The following KCNK6 variants were observed in gnomAD, a reference collection of about 807,000 sequenced individuals.
KCNK6 encodes the protein potassium channel subfamily K member 6.
A neutral mutation model predicts 21.9 loss-of-function variants in KCNK6; 20 were observed. The observed-to-expected ratio is 0.91, with a 90% CI of 0.64 to 1.32. The LOEUF (loss-of-function observed/expected upper bound fraction) is 1.32, where lower values mean the gene tolerates loss of function less well. Ranked by LOEUF, KCNK6 falls within the 40% of genes most tolerant of loss-of-function variation. The pLI, the probability that KCNK6 is intolerant of heterozygous loss-of-function variation, is 0.00. For synonymous variants in KCNK6, 210 were observed against 218.0 expected (o/e 0.96, Z 0.32); for missense variants, 415 against 433.1 (o/e 0.96, Z 0.37).
In KCNK6 at chr19:38,327,525, A is replaced by G; in HGVS notation, c.*122A>G. On this transcript the variant is annotated 3_prime_UTR_variant, in exon 3 of 3. Transcript: ENST00000263372. Reference sequence around the variant, plus strand: ...AGGTGATCTTGAGGCCTTGCCGTCCACCGTCTCTCCTTTGTTTCCCAGCAT... The same window carrying G: ...AGGTGATCTTGAGGCCTTGCCGTCCGCCGTCTCTCCTTTGTTTCCCAGCAT... The G allele has an allele frequency of 1.2e-6, 1 of 857,974 alleles. No individual in the cohort carries two copies. Among genetic ancestry groups the G allele is most frequent in the Non-Finnish European group, 1.8e-6 (1 of 558,418 alleles). The allele number at this position is 857,974 out of a possible 1,614,324, so 53.1% of individuals were successfully genotyped here.
At position 38,329,049 on chromosome 19, in the gene KCNK6, T is replaced by G. The variant is rs990737727; in HGVS notation, c.*1646T>G. ...AGAAAGTAAGTCCTGGCTAACACGG[T>G]GAAACCCTGTCTCTACTAAAAATAC... On this transcript the variant is annotated 3_prime_UTR_variant, in exon 3 of 3. Transcript: ENST00000263372. 3 of 149,802 alleles carry G rather than the reference T, an allele frequency of 2.0e-5. No individual in the cohort carries two copies. The highest frequency in any genetic ancestry group is 7.3e-5 in the African/African-American group (3 of 40,882). The allele number at this position is 149,802 out of a possible 1,614,324, so 9.3% of individuals were successfully genotyped here.
Position 38,327,320 on chromosome 19 carries a change from G to T in KCNK6, c.859G>T (p.Val287Leu), listed in dbSNP as rs778517642. ...TTTCAATGCGGATGAGGACGATCGG[G>T]TGGACATCCTGGGCCCCCAGCCGGA... Reference protein sequence around the residue: ...ASFNADEDDRVDILGPQPESH... With the variant: ...ASFNADEDDRLDILGPQPESH... Residue 287 changes from valine to leucine, a missense_variant, in exon 3 of 3, where the codon GTG becomes TTG. Coordinates refer to ENST00000263372, the MANE Select transcript of KCNK6 (RefSeq NM_004823.3). The T allele has an allele frequency of 1.2e-6, 2 of 1,613,326 alleles. No individual in the cohort carries two copies. The highest frequency in any genetic ancestry group is 1.1e-5 in the South Asian group (1 of 91,082).
rs973771478 is a variant in KCNK6 at position 38,327,741 on chromosome 19, G to A, written c.*338G>A. ...TCTCATTCTCTTTCATGTTCCGTCT[G>A]TGTCTCTCAATTAACCACTCGTCAA... is the stretch of plus-strand genomic sequence containing the variant. On this transcript the variant is annotated 3_prime_UTR_variant, in exon 3 of 3. Coordinates refer to ENST00000263372, the MANE Select transcript of KCNK6 (RefSeq NM_004823.3). The A allele has an allele frequency of 2.0e-5, 7 of 342,466 alleles. No homozygotes were observed. Among genetic ancestry groups the A allele is most frequent in the Non-Finnish European group, 3.9e-5 (7 of 181,086 alleles). 21.2% of individuals were successfully genotyped at this position (342,466 alleles called of 1,614,324 possible).
chr19:38,327,522 T>G lies in KCNK6; in HGVS notation c.*119T>G. ...AGCAGGTGATCTTGAGGCCTTGCCG[T>G]CCACCGTCTCTCCTTTGTTTCCCAG... On this transcript the variant is annotated 3_prime_UTR_variant, in exon 3 of 3. Coordinates refer to ENST00000263372, the MANE Select transcript of KCNK6 (RefSeq NM_004823.3). 1.2e-6 allele frequency: 1 copy of G among 866,568 alleles called. No individual in the cohort carries two copies. Among genetic ancestry groups the G allele is most frequent in the South Asian group, 1.7e-5 (1 of 59,818 alleles). The allele number at this position is 866,568 out of a possible 1,614,324, so 53.7% of individuals were successfully genotyped here. A position where few individuals can be genotyped will look rare whatever the true frequency, so the allele number is the denominator to read the frequency against.
chr19:38,326,091 C>T (rs887656399), intron 1 of KCNK6, among the ~76,000 whole-genome samples: 3 of 152,116 alleles, frequency 2.0e-5, no homozygotes, highest in South Asian at 2.1e-4. Context: ...GCATGAGTGA[C>T]GAGGGCGTCA....
chr19:38,324,085 C>G (rs7253960), intron 1 of KCNK6, among the ~76,000 whole-genome samples: 2 of 151,814 alleles, frequency 1.3e-5, no homozygotes, highest in Non-Finnish European at 2.9e-5. Flanking sequence ...TTATAAAGAT[C>G]TCTTTTATTA....
rs770275342 is a variant in KCNK6 at position 38,326,650 on chromosome 19, C to T, written c.380C>T (p.Ala127Val). ...DAGKAFSIAF[A>V]LLGVPTTMLL... ...GGCAAGGCCTTCTCCATCGCCTTTG[C>T]GCTCCTGGGCGTGCCGACCACCATG... The change falls in exon 2 of 3, where the codon GCG becomes GTG. Residue 127 changes from alanine (A) to valine (V), a missense_variant. By Grantham distance (64) the Ala-to-Val change is moderately conservative (BLOSUM62 0). Transcript: ENST00000263372. 7 of 1,609,642 alleles carry T rather than the reference C, an allele frequency of 4.3e-6. No individual in the cohort carries two copies. Among genetic ancestry groups the T allele is most frequent in the East Asian group, 4.5e-5 (2 of 44,888 alleles).
chr19:38,320,892 G>C (rs1474644377), intron 1 of KCNK6, among the ~76,000 whole-genome samples: 1 of 152,116 alleles, frequency 6.6e-6, no homozygotes, highest in Non-Finnish European at 1.5e-5. Flanking sequence ...TTGGTGACCC[G>C]GGTCTGTCCA....
Position 38,331,896 on chromosome 19 carries a change from A to G in KCNK6, c.*4493A>G, listed in dbSNP as rs1334512575. On this transcript the variant is annotated 3_prime_UTR_variant, in exon 3 of 3. Transcript: ENST00000263372. ...TATAAATCTGAACTCTGTCACTCCC[A>G]AGCTAAGTGGCTTTGGGCAAGTGAT... The G allele has an allele frequency of 6.6e-6, 1 of 152,180 alleles. No individual in the cohort carries two copies. The highest frequency in any genetic ancestry group is 2.4e-5 in the African/African-American group (1 of 41,440). 9.4% of individuals were successfully genotyped at this position (152,180 alleles called of 1,614,324 possible).
intron 1 of KCNK6, among the ~76,000 whole-genome samples, chr19:38,323,524 T>C (rs1435486415): frequency 6.6e-6 from 1 of 152,242 alleles, no homozygotes; most frequent in East Asian, 1.9e-4. Flanking sequence ...ATTACAATCC[T>C]TGTAACTCTT....
chr19:38,326,098 G>A (rs1257341553), intron 1 of KCNK6, among the ~76,000 whole-genome samples: 1 of 152,216 alleles, frequency 6.6e-6, no homozygotes, highest in Non-Finnish European at 1.5e-5. Context: ...TGACGAGGGC[G>A]TCAGGGATGA....
At chr19:38,321,201 CAG>C (rs1969648032) in intron 1 of KCNK6, among the ~76,000 whole-genome samples, 1 of 152,306 alleles carries the variant, frequency 6.6e-6, no homozygotes, top group African/African-American at 2.4e-5. Context: ...TCCCTCCCAA[CAG>C]AGATTCCTCA....
Position 38,320,038 on chromosome 19 carries a change from G to C in KCNK6, c.88G>C (p.Gly30Arg), listed in dbSNP as rs1008139893. Residue 30 changes from glycine (G) to arginine (R), a missense_variant, in exon 1 of 3, where the codon GGG becomes CGG. Coordinates refer to ENST00000263372, the MANE Select transcript of KCNK6 (RefSeq NM_004823.3). Reference sequence around the variant, plus strand: ...CGCGCTGTTGGTGGCGCGGCTGGAGGGGCCGCACGAAGCCAGGCTCCGAGC... The same window carrying C: ...CGCGCTGTTGGTGGCGCGGCTGGAGCGGCCGCACGAAGCCAGGCTCCGAGC... ...LGALLVARLEGPHEARLRAEL... is the reference protein window; with the variant it reads ...LGALLVARLERPHEARLRAEL... 6.7e-7 allele frequency: 1 copy of C among 1,500,798 alleles called. No homozygotes were observed. Among genetic ancestry groups the C allele is most frequent in the Non-Finnish European group, 8.8e-7 (1 of 1,133,648 alleles). The allele number at this position is 1,500,798 out of a possible 1,614,324, so 93.0% of individuals were successfully genotyped here.
chr19:38,324,377 A>G (rs1417096553), intron 1 of KCNK6, among the ~76,000 whole-genome samples: 1 of 152,234 alleles, frequency 6.6e-6, no homozygotes, highest in African/African-American at 2.4e-5. Flanking sequence ...TCTTGTTCAC[A>G]TTCCAGGTAG....
rs931148196 is a variant in KCNK6, at chr19:38,328,965, A to C, written c.*1562A>C. The C allele has an allele frequency of 6.6e-6, 1 of 151,680 alleles. No homozygotes were observed. Among genetic ancestry groups the C allele is most frequent in the African/African-American group, 2.4e-5 (1 of 41,366 alleles). The allele number at this position is 151,680 out of a possible 1,614,324, so 9.4% of individuals were successfully genotyped here. The stretch of plus-strand genomic sequence containing the variant: ...GAGAGAGAGAGAAAGAAAAAGAAAG[A>C]AAAGTAAGAAAGAAAAAAGAAAAAG... On this transcript the variant is annotated 3_prime_UTR_variant, in exon 3 of 3. Transcript: ENST00000263372.
At position 38,327,555 on chromosome 19, in the gene KCNK6, C is replaced by G; in HGVS notation, c.*152C>G. 1 of 727,420 alleles carries G rather than the reference C, an allele frequency of 1.4e-6. No homozygotes were observed. The highest frequency in any genetic ancestry group is 2.7e-5 in the East Asian group (1 of 36,968). 45.1% of individuals were successfully genotyped at this position (727,420 alleles called of 1,614,324 possible). A position where few individuals can be genotyped will look rare whatever the true frequency, so the allele number is the denominator to read the frequency against. Reference sequence around the variant, plus strand: ...CTCTCCTTTGTTTCCCAGCATCTGGCTGGGATGTGAAGGGCAGCACTCCCT... The same window carrying G: ...CTCTCCTTTGTTTCCCAGCATCTGGGTGGGATGTGAAGGGCAGCACTCCCT... On this transcript the variant is annotated 3_prime_UTR_variant, in exon 3 of 3. Coordinates refer to ENST00000263372, the MANE Select transcript of KCNK6 (RefSeq NM_004823.3).
At chr19:38,324,961 C>A (rs541278814) in intron 1 of KCNK6, 1 of 151,634 alleles carries the variant, frequency 6.6e-6, no homozygotes, top group Non-Finnish European at 1.5e-5. Context: ...CCATCTTAGT[C>A]ATTTTTAAGG....
At position 38,320,151 on chromosome 19, in the gene KCNK6, G is replaced by A. The variant is rs1969632331; in HGVS notation, c.201G>A (p.Leu67=). The A allele has an allele frequency of 6.3e-7, 1 of 1,595,554 alleles. No homozygotes were observed. The highest frequency in any genetic ancestry group is 8.5e-7 in the Non-Finnish European group (1 of 1,177,630). The change falls in exon 1 of 3, where the codon CTG becomes CTA. Residue 67 remains leucine (L), a synonymous_variant. Coordinates refer to ENST00000263372, the MANE Select transcript of KCNK6 (RefSeq NM_004823.3). Reference sequence around the variant, plus strand: ...TGGACGCCTTCGTGGAGCGAGTGCTGGCGGCCGGACGGCTGGGGCGGGTCG... The same window carrying A: ...TGGACGCCTTCGTGGAGCGAGTGCTAGCGGCCGGACGGCTGGGGCGGGTCG... ...PALDAFVERV[L]AAGRLGRVVL...
At chr19:38,321,397 A>C (rs1349090348) in intron 1 of KCNK6, among the ~76,000 whole-genome samples, 1 of 152,168 alleles carries the variant, frequency 6.6e-6, no homozygotes, top group African/African-American at 2.4e-5. Context: ...CTCTCAATGC[A>C]GGATTTTCCT....
Sources: allele counts gnomAD v4.1 joint callset (sites outside exome capture counted in the v4.1 genomes callset), GRCh38; gene constraint gnomAD v4.1.1; transcripts MANE v1.5; gene names NCBI Gene and HGNC (gene_info 2026-07-23, HGNC 2026-07-21).